Variants in UQCC6 observed in about 807,000 individuals in gnomAD.
UQCC6 encodes protein BRAWNIN.
chr12:103,956,066 A>G, the UQCC6 span, among the ~76,000 whole-genome samples: 1 of 152,350 alleles, frequency 6.6e-6, no homozygotes, highest in South Asian at 2.1e-4. Flanking sequence ...AAATAAATAG[A>G]CAAAGAACTG....
chr12:103,956,579 G>T, the UQCC6 span: 3 of 1,213,328 alleles, frequency 2.5e-6, no homozygotes, highest in East Asian at 5.1e-5. Flanking sequence ...AATTTACAAA[G>T]AAATGAGGTA....
At chr12:103,963,312 G>C in the UQCC6 span, among the ~76,000 whole-genome samples, 31 of 152,252 alleles carry the variant, frequency 2.0e-4, no homozygotes, top group African/African-American at 7.0e-4. Context: ...CTGGCCTTGG[G>C]TGATCTGCCC....
chr12:103,964,774 T>C, the UQCC6 span, among the ~76,000 whole-genome samples: 19 of 152,330 alleles, frequency 1.2e-4, no homozygotes, highest in South Asian at 3.5e-3. Flanking sequence ...CATATATTCA[T>C]TGAATATTTA....
chr12:103,959,242 G>A, the UQCC6 span, among the ~76,000 whole-genome samples: 2 of 152,096 alleles, frequency 1.3e-5, no homozygotes, highest in Admixed American at 6.5e-5. Flanking sequence ...GTTAGATTCT[G>A]ACCCTTTTGG....
At chr12:103,956,379 G>C in the UQCC6 span, 1 of 374,064 alleles carries the variant, frequency 2.7e-6, no homozygotes, top group Non-Finnish European at 4.9e-6. Context: ...GCCACAGGTA[G>C]GCAGCGGCCA....
At chr12:103,955,607 G>T in the UQCC6 span, 2 of 378,276 alleles carry the variant, frequency 5.3e-6, no homozygotes, top group East Asian at 1.4e-4. Flanking sequence ...ACTCCAACCT[G>T]GGCAACAGAA....
At chr12:103,964,983 T>C in the UQCC6 span, among the ~76,000 whole-genome samples, 15 of 152,174 alleles carry the variant, frequency 9.9e-5, no homozygotes, top group Non-Finnish European at 2.1e-4. Flanking sequence ...AGCTCACAGA[T>C]CACGTGAGTG....
the UQCC6 span, among the ~76,000 whole-genome samples, chr12:103,963,415 AGT>A: frequency 6.6e-6 from 1 of 152,184 alleles, no homozygotes; most frequent in Non-Finnish European, 1.5e-5. Flanking sequence ...ATAATTCTTA[AGT>A]CAGGCAGTAT....
chr12:103,956,554 T>C, the UQCC6 span: 2 of 961,206 alleles, frequency 2.1e-6, no homozygotes, highest in Non-Finnish European at 3.3e-6. Flanking sequence ...TATAAAGGAA[T>C]GCCTAAGGCT....
At chr12:103,953,024 A>C in the UQCC6 span, among the ~76,000 whole-genome samples, 1 of 152,324 alleles carries the variant, frequency 6.6e-6, no homozygotes, top group African/African-American at 2.4e-5. Flanking sequence ...GTGGGGAGAT[A>C]AAGTCTCCAG....
the UQCC6 span, among the ~76,000 whole-genome samples, chr12:103,960,730 A>T: frequency 6.6e-6 from 1 of 152,182 alleles, no homozygotes; most frequent in Non-Finnish European, 1.5e-5. Flanking sequence ...GCCCCATAAG[A>T]TTACAACGAA....
At chr12:103,952,445 T>C in the UQCC6 span, among the ~76,000 whole-genome samples, 1 of 152,214 alleles carries the variant, frequency 6.6e-6, no homozygotes, top group Non-Finnish European at 1.5e-5. Context: ...ATTTGGATTT[T>C]CCACCTTTTG....
the UQCC6 span, chr12:103,955,874 T>C: frequency 4.5e-6 from 2 of 442,802 alleles, no homozygotes; most frequent in Non-Finnish European, 9.0e-6. Flanking sequence ...TTCTAGTTCC[T>C]AATGAATGCT....
the UQCC6 span, among the ~76,000 whole-genome samples, chr12:103,960,308 A>G: frequency 2.6e-5 from 4 of 152,038 alleles, no homozygotes; most frequent in Non-Finnish European, 5.9e-5. Flanking sequence ...TCCTGACCTC[A>G]TGTGATCCAT....
At chr12:103,951,628 T>G in the UQCC6 span, 3 of 1,505,166 alleles carry the variant, frequency 2.0e-6, no homozygotes, top group African/African-American at 4.9e-5. Context: ...TTTCAGGTAT[T>G]GTCTGCAAAA....
the UQCC6 span, among the ~76,000 whole-genome samples, chr12:103,957,861 G>A: frequency 6.8e-6 from 1 of 146,742 alleles, no homozygotes; most frequent in Non-Finnish European, 1.5e-5. Context: ...TGGCCAACAT[G>A]GCAAGATGGC....
the UQCC6 span, among the ~76,000 whole-genome samples, chr12:103,964,963 G>T: frequency 6.6e-6 from 1 of 152,186 alleles, no homozygotes; most frequent in Non-Finnish European, 1.5e-5. Context: ...CAGAGCCACA[G>T]CCATCTCCCA....
At chr12:103,965,699 C>G in the UQCC6 span, 1 of 320,632 alleles carries the variant, frequency 3.1e-6, no homozygotes, top group Non-Finnish European at 5.7e-6. Context: ...CTCCTAGTCC[C>G]CGTCTTCTGG....
At chr12:103,956,913 G>A in the UQCC6 span, 2 of 580,084 alleles carry the variant, frequency 3.4e-6, no homozygotes, top group Non-Finnish European at 6.2e-6. Context: ...CCTCCTTTAC[G>A]AGCTGAGGGC....
Sources: gnomAD v4.1 joint callset for allele counts (sites outside exome capture counted in the v4.1 genomes callset) on GRCh38, gnomAD v4.1.1 for gene constraint, MANE v1.5 for transcripts, NCBI Gene and HGNC (gene_info 2026-07-23, HGNC 2026-07-21) for gene names.